The following HS3ST5 variants were observed in gnomAD, a reference collection of about 807,000 sequenced individuals.
HS3ST5 encodes the protein heparan sulfate-glucosamine 3-sulfotransferase 5.
HS3ST5 carries 10 observed loss-of-function variants against 25.4 expected under a neutral mutation model. The observed-to-expected ratio is 0.39, with a 90% CI of 0.24 to 0.67. HS3ST5 has a LOEUF of 0.67. HS3ST5 is among the 30% of genes least tolerant of loss of function. The probability of loss-of-function intolerance (pLI) is 0.44; values close to 1 mark genes in which losing one functional copy is unlikely to be tolerated. For missense variants in HS3ST5, 324 were observed against 420.7 expected (o/e 0.77, Z 2.01); for synonymous variants, 170 against 162.4 (o/e 1.05, Z -0.36).
At chr6:114,207,954 T>C (rs1014334847) in intron 2 of HS3ST5, among the ~76,000 whole-genome samples, 3 of 152,170 alleles carry the variant, frequency 2.0e-5, no homozygotes, top group Non-Finnish European at 4.4e-5. Context: ...GGGATCCCTC[T>C]TTGAACCACA....
At position 114,263,964 on chromosome 6, in the gene HS3ST5, TAA is replaced by T. The variant is rs1562257294; in HGVS notation, c.-338-35188_-338-35187del. ...TCAATCACATAAAGCATAAAGAACA[TAA>T]AGAGTCCCCACAATAACACTACCCC... On this transcript the variant is annotated intron_variant, in intron 1 of 4. Transcript: ENST00000312719. Among the ~76,000 whole-genome samples, 4 of 151,996 alleles carry T rather than the reference TAA, an allele frequency of 2.6e-5. No individual in the cohort carries two copies. In the South Asian group the frequency reaches 8.3e-4, roughly 32 times the overall value.
At chr6:114,081,719 A>G (rs931283591) in intron 3 of HS3ST5, among the ~76,000 whole-genome samples, 1 of 152,158 alleles carries the variant, frequency 6.6e-6, no homozygotes, top group African/African-American at 2.4e-5. Flanking sequence ...TTTAGTCAGA[A>G]ATTTCATTAT....
intron 1 of HS3ST5, among the ~76,000 whole-genome samples, chr6:114,307,356 CTGTTT>C (rs749122863): frequency 1.5e-4 from 21 of 140,382 alleles, no homozygotes; most frequent in Non-Finnish European, 2.8e-4. Flanking sequence ...AATATCCTTA[CTGTTT>C]TTTTTTTTCC....
At chr6:114,162,693 A>G (rs894673983) in intron 3 of HS3ST5, among the ~76,000 whole-genome samples, 32 of 152,244 alleles carry the variant, frequency 2.1e-4, no homozygotes, top group African/African-American at 7.5e-4. Context: ...ACAAACCTTC[A>G]GAACAATAAA....
intron 1 of HS3ST5, among the ~76,000 whole-genome samples, chr6:114,255,407 G>A (rs149693621): frequency 4.6e-5 from 7 of 152,112 alleles, no homozygotes; most frequent in African/African-American, 9.7e-5. Context: ...GAGTGTCTGC[G>A]GCTTTTCCAG....
At chr6:114,316,596 G>A (rs1239496861) in intron 1 of HS3ST5, among the ~76,000 whole-genome samples, 1 of 151,670 alleles carries the variant, frequency 6.6e-6, no homozygotes, top group African/African-American at 2.4e-5. Flanking sequence ...TCCAAAAAGT[G>A]AAAAAAAATT....
intron 2 of HS3ST5, among the ~76,000 whole-genome samples, chr6:114,219,858 T>C (rs889026035): frequency 1.2e-4 from 19 of 152,116 alleles, no homozygotes; most frequent in Admixed American, 6.5e-5. Flanking sequence ...TTTTATATGA[T>C]TCAAAAATGT....
intron 1 of HS3ST5, among the ~76,000 whole-genome samples, chr6:114,326,261 A>C (rs1229957747): frequency 6.6e-6 from 1 of 152,066 alleles, no homozygotes; most frequent in Non-Finnish European, 1.5e-5. Flanking sequence ...ATGGTGGTGC[A>C]TGCCTGTAAT....
Position 114,165,647 on chromosome 6 carries a change from G to A in HS3ST5, c.-33+2704C>T, listed in dbSNP as rs192561025. On this transcript the variant is annotated intron_variant, in intron 3 of 4. Transcript: ENST00000312719. Reference sequence around the variant, plus strand: ...TATAATATGCCTGAGGCAACTTGACGTCAGTGTCAGAGTACCTACCTCAGG... The same window carrying A: ...TATAATATGCCTGAGGCAACTTGACATCAGTGTCAGAGTACCTACCTCAGG... 1.4e-4 allele frequency among the ~76,000 whole-genome samples: 21 copies of A among 152,228 alleles called. No homozygotes were observed. The East Asian group carries it at 2.9e-3, about 21-fold the overall frequency.
At chr6:114,267,097 C>T (rs1302376908) in intron 1 of HS3ST5, among the ~76,000 whole-genome samples, 1 of 151,870 alleles carries the variant, frequency 6.6e-6, no homozygotes, top group African/African-American at 2.4e-5. Context: ...GCAATCGTGA[C>T]ACAAAACACA....
intron 2 of HS3ST5, among the ~76,000 whole-genome samples, chr6:114,202,750 T>A (rs1351067866): frequency 6.6e-6 from 1 of 152,316 alleles, no homozygotes; most frequent in African/African-American, 2.4e-5. Flanking sequence ...GAGAGCTCTA[T>A]TGTTCTATAA....
intron 1 of HS3ST5, among the ~76,000 whole-genome samples, chr6:114,247,593 A>G (rs1772440950): frequency 6.6e-6 from 1 of 152,066 alleles, no homozygotes; most frequent in Admixed American, 6.6e-5. Context: ...CATTTCTTAT[A>G]AATATAAAAA....
At chr6:114,311,116 G>A (rs1023199242) in intron 1 of HS3ST5, among the ~76,000 whole-genome samples, 1 of 152,092 alleles carries the variant, frequency 6.6e-6, no homozygotes, top group African/African-American at 2.4e-5. Flanking sequence ...TCATAGCACT[G>A]TTAATAATGA....
intron 3 of HS3ST5, among the ~76,000 whole-genome samples, chr6:114,098,272 A>G (rs1273127106): frequency 6.6e-6 from 1 of 151,920 alleles, no homozygotes; most frequent in African/African-American, 2.4e-5. Context: ...CAAGTAAAGA[A>G]AAACCTTCAA....
intron 1 of HS3ST5, among the ~76,000 whole-genome samples, chr6:114,256,387 C>CA (rs776203710): frequency 0.094 from 11,910 of 126,944 alleles, 544 homozygotes; most frequent in East Asian, 0.15. Context: ...GACTCCCTCT[C>CA]AAAAAAAAAA....
chr6:114,259,012 C>T (rs1257466963), intron 1 of HS3ST5, among the ~76,000 whole-genome samples: 3 of 152,124 alleles, frequency 2.0e-5, no homozygotes, highest in African/African-American at 7.2e-5. Context: ...AAAGTTTTTT[C>T]TCCTTGTATA....
intron 3 of HS3ST5, among the ~76,000 whole-genome samples, chr6:114,159,431 G>A (rs898890616): frequency 6.6e-6 from 1 of 152,096 alleles, no homozygotes; most frequent in Non-Finnish European, 1.5e-5. Context: ...ACTACAAACA[G>A]CCAAGAAAAT....
At chr6:114,175,999 G>C (rs887521665) in intron 2 of HS3ST5, among the ~76,000 whole-genome samples, 1 of 152,060 alleles carries the variant, frequency 6.6e-6, no homozygotes, top group Non-Finnish European at 1.5e-5. Context: ...TGTTTTCATT[G>C]GCTCTCTTCT....
chr6:114,269,513 T>G (rs928903342), intron 1 of HS3ST5, among the ~76,000 whole-genome samples: 1 of 152,150 alleles, frequency 6.6e-6, no homozygotes, highest in African/African-American at 2.4e-5. Flanking sequence ...ACCATAAAAT[T>G]TGAAGAACCA....
Sources: allele counts gnomAD v4.1 joint callset (sites outside exome capture counted in the v4.1 genomes callset), GRCh38; gene constraint gnomAD v4.1.1; transcripts MANE v1.5; gene names NCBI Gene and HGNC (gene_info 2026-07-23, HGNC 2026-07-21).